Variants in NYAP2 observed in about 807,000 individuals in gnomAD.
The protein encoded by NYAP2 is neuronal tyrosine-phosphorylated phosphoinositide-3-kinase adapter 2.
NYAP2 carries 23 observed loss-of-function variants against 50.4 expected under a neutral mutation model. That is an observed-to-expected ratio of 0.46 (90% CI 0.33 to 0.65). NYAP2 has a LOEUF of 0.65. NYAP2 is among the 30% of genes least tolerant of loss of function. The pLI, the probability that NYAP2 is intolerant of heterozygous loss-of-function variation, is 0.02. For missense variants in NYAP2, 885 were observed against 861.0 expected (o/e 1.03, Z -0.35); for synonymous variants, 394 against 365.2 (o/e 1.08, Z -0.90).
intron 3 of NYAP2, among the ~76,000 whole-genome samples, chr2:225,489,947 C>T (rs1349515152): frequency 6.6e-6 from 1 of 152,124 alleles, no homozygotes; most frequent in Non-Finnish European, 1.5e-5. Context: ...AGCTCATTTT[C>T]CAAAGGGTGT....
chr2:225,664,587 G>A, the NYAP2 span, among the ~76,000 whole-genome samples: 51 of 152,212 alleles, frequency 3.4e-4, no homozygotes, highest in Admixed American at 1.4e-3. Flanking sequence ...ACTGAAATGC[G>A]GCCGGGCACG....
chr2:225,575,069 C>A (rs1047176001), intron 4 of NYAP2, among the ~76,000 whole-genome samples: 1 of 152,136 alleles, frequency 6.6e-6, no homozygotes, highest in Non-Finnish European at 1.5e-5. Context: ...CTAAAACAGA[C>A]CAACTCAGTT....
chr2:225,408,282 A>C (rs1694974592), intron 2 of NYAP2, among the ~76,000 whole-genome samples: 1 of 152,012 alleles, frequency 6.6e-6, no homozygotes, highest in South Asian at 2.1e-4. Context: ...ACATTATGGA[A>C]AGAAATGAAG....
At chr2:225,474,264 TTTGGCTTAGGA>T (rs1690063825) in intron 3 of NYAP2, among the ~76,000 whole-genome samples, 1 of 152,184 alleles carries the variant, frequency 6.6e-6, no homozygotes, top group Admixed American at 6.5e-5. Context: ...GCTTTGTTCT[TTTGGCTTAGGA>T]TTGACTTGGC....
At chr2:225,550,001 A>G (rs1691644296) in intron 4 of NYAP2, among the ~76,000 whole-genome samples, 1 of 151,842 alleles carries the variant, frequency 6.6e-6, no homozygotes, top group Admixed American at 6.6e-5. Context: ...ATAAATAAAT[A>G]AATAAATAAA....
intron 6 of NYAP2, among the ~76,000 whole-genome samples, chr2:225,638,249 G>A (rs1458346529): frequency 6.6e-6 from 1 of 151,258 alleles, no homozygotes; most frequent in East Asian, 1.9e-4. Flanking sequence ...AGAGATGAGT[G>A]TCCATCCAAT....
At chr2:225,675,108 T>TA in the NYAP2 span, among the ~76,000 whole-genome samples, 1 of 152,164 alleles carries the variant, frequency 6.6e-6, no homozygotes, top group Non-Finnish European at 1.5e-5. Flanking sequence ...TATTGTTTAT[T>TA]AGTGGTAAAA....
At chr2:225,663,447 C>G in the NYAP2 span, among the ~76,000 whole-genome samples, 2 of 152,124 alleles carry the variant, frequency 1.3e-5, no homozygotes, top group African/African-American at 4.8e-5. Flanking sequence ...ATTTCAAGGC[C>G]CTGTGTGACC....
intron 3 of NYAP2, among the ~76,000 whole-genome samples, chr2:225,459,316 G>A (rs558505345): frequency 5.3e-5 from 8 of 152,286 alleles, no homozygotes; most frequent in Admixed American, 2.0e-4. Flanking sequence ...TTAGGTTAGG[G>A]TTATAGTCAG....
At chr2:225,561,891 ATT>A (rs200940611) in intron 4 of NYAP2, among the ~76,000 whole-genome samples, 1 of 150,338 alleles carries the variant, frequency 6.7e-6, no homozygotes, top group Non-Finnish European at 1.5e-5. Context: ...GGGGCTATAT[ATT>A]TTTTTTTTCA....
At chr2:225,518,582 TTATATATATA>T (rs375598039) in intron 4 of NYAP2, among the ~76,000 whole-genome samples, 1 of 71,714 alleles carries the variant, frequency 1.4e-5, no homozygotes, top group Non-Finnish European at 2.8e-5. Context: ...GCGTGTGCGC[TTATATATATA>T]TATATATATA....
intron 2 of NYAP2, among the ~76,000 whole-genome samples, chr2:225,403,856 A>G (rs1204837781): frequency 4.6e-5 from 7 of 152,026 alleles, no homozygotes; most frequent in Admixed American, 4.6e-4. Context: ...ATCAGTGTAC[A>G]TGTCCATTCT....
the NYAP2 span, among the ~76,000 whole-genome samples, chr2:225,662,813 A>C: frequency 6.6e-6 from 1 of 152,336 alleles, no homozygotes; most frequent in East Asian, 1.9e-4. Context: ...CTTATCATTC[A>C]AGGAACGATC....
chr2:225,471,879 T>G (rs1048814788), intron 3 of NYAP2, among the ~76,000 whole-genome samples: 7 of 152,192 alleles, frequency 4.6e-5, no homozygotes, highest in Admixed American at 1.3e-4. Flanking sequence ...CCCATTAGTA[T>G]GCAGCAAACC....
At chr2:225,398,707 C>G (rs1694810142), upstream of NYAP2, among the ~76,000 whole-genome samples, 1 of 151,758 alleles carries the variant, frequency 6.6e-6, no homozygotes, top group Admixed American at 6.6e-5. Flanking sequence ...TCTTCTCTTC[C>G]CCGTTTGTAT....
chr2:225,528,838 G>C (rs547835924), intron 4 of NYAP2, among the ~76,000 whole-genome samples: 7 of 152,306 alleles, frequency 4.6e-5, no homozygotes, highest in Non-Finnish European at 1.0e-4. Flanking sequence ...GCATTTTGGT[G>C]AGAAATATGA....
chr2:225,582,765 A>G lies in NYAP2; in HGVS notation c.1348A>G (p.Ser450Gly), dbSNP rs1692317385. The stretch of plus-strand genomic sequence containing the variant: ...CATGGGGAGGTCCCTGACTCCCCTG[A>G]GCCTCAAAAGGCCTCCCCCTTACGA... Residue 450 changes from serine (S) to glycine (G), a missense_variant, in exon 5 of 7, where the codon AGC (serine) becomes GGC (glycine). Coordinates refer to ENST00000636099, the Ensembl canonical transcript of NYAP2. The surrounding 1 kb of genome is among the most constrained non-coding windows in gnomAD (Gnocchi z 7.0). 1 of 1,613,608 alleles carries G rather than the reference A, an allele frequency of 6.2e-7. No individual in the cohort carries two copies. The highest frequency in any genetic ancestry group is 8.5e-7 in the Non-Finnish European group (1 of 1,179,818).
In NYAP2 at chr2:225,650,869, A is replaced by G. The variant is rs374102191; in HGVS notation, c.1829-563A>G. Among the ~76,000 whole-genome samples, 11 of 152,314 alleles carry G rather than the reference A, an allele frequency of 7.2e-5. No individual in the cohort carries two copies. The East Asian group carries it at 1.5e-3, about 21-fold the overall frequency. On this transcript the variant is annotated intron_variant, in intron 6 of 6. Coordinates refer to ENST00000636099, the Ensembl canonical transcript of NYAP2. ...CTAATTTGGGCTCCTCAAATTAGAG[A>G]AGAGGTAGGAGAAAGCTTTTTAAGT...
chr2:225,521,965 C>T (rs989969557), intron 4 of NYAP2, among the ~76,000 whole-genome samples: 5 of 152,044 alleles, frequency 3.3e-5, no homozygotes, highest in African/African-American at 1.2e-4. Flanking sequence ...TGTTATTGGT[C>T]TATTCAGAGA....
Sources: gnomAD v4.1 joint callset for allele counts (sites outside exome capture counted in the v4.1 genomes callset) on GRCh38, gnomAD v4.1.1 for gene constraint, Gnocchi (gnomAD v3.1) non-coding constraint, MANE v1.5 for transcripts, NCBI Gene and HGNC (gene_info 2026-07-23, HGNC 2026-07-21) for gene names.